COBLL1: variants seen among roughly 807,000 people sequenced by gnomAD.
The protein encoded by COBLL1 is cordon-bleu WH2 repeat protein like 1.
COBLL1 carries 50 observed loss-of-function variants against 94.8 expected under a neutral mutation model. The observed-to-expected ratio is 0.53, with a 90% CI of 0.42 to 0.67. The LOEUF (loss-of-function observed/expected upper bound fraction) is 0.67, where lower values mean the gene tolerates loss of function less well. Ranked by LOEUF, COBLL1 falls within the 30% of genes least tolerant of loss-of-function variation. COBLL1 has a pLI of 0.00. For missense variants in COBLL1, 1,362 were observed against 1,348.7 expected (o/e 1.01, Z -0.15); for synonymous variants, 448 against 473.8 (o/e 0.95, Z 0.71).
In COBLL1 at chr2:164,818,558, TAC is replaced by T. The variant is rs557068043; in HGVS notation, c.41+22596_41+22597del. ...ATATTTACATATATGTGTACATATG[TAC>T]ACATATATAGCATATATGTACATAT... On this transcript the variant is annotated intron_variant, in intron 2 of 13. Transcript: ENST00000652658. Among the ~76,000 whole-genome samples the T allele has an allele frequency of 4.5e-3, 666 of 148,644 alleles. 2 individuals carry two copies. Among genetic ancestry groups the T allele is most frequent in the Non-Finnish European group, 5.8e-3 (389 of 67,286 alleles).
intron 2 of COBLL1, among the ~76,000 whole-genome samples, chr2:164,759,778 C>T (rs1250570543): frequency 2.0e-5 from 3 of 152,120 alleles, no homozygotes; most frequent in African/African-American, 4.8e-5. Flanking sequence ...CGAGGGTACA[C>T]GAATGGCAAA....
intron 3 of COBLL1, among the ~76,000 whole-genome samples, chr2:164,733,375 G>T (rs1272881016): frequency 1.3e-5 from 2 of 152,010 alleles, no homozygotes; most frequent in Admixed American, 6.6e-5. Context: ...GAAAAAAGTT[G>T]CCGACTATAT....
At chr2:164,787,233 C>T (rs1682896508) in intron 2 of COBLL1, among the ~76,000 whole-genome samples, 1 of 152,164 alleles carries the variant, frequency 6.6e-6, no homozygotes. Flanking sequence ...ACTGGCCTTT[C>T]CAAACTTGCA....
chr2:164,733,482 C>G (rs189863785), intron 3 of COBLL1, among the ~76,000 whole-genome samples: 2 of 152,102 alleles, frequency 1.3e-5, no homozygotes, highest in East Asian at 1.9e-4. Flanking sequence ...TGAGTTTATT[C>G]TCTCATTTTA....
In COBLL1 at chr2:164,705,022, T is replaced by C; in HGVS notation, c.1080A>G (p.Thr360=). 1.2e-6 allele frequency: 2 copies of C among 1,605,104 alleles called. No individual in the cohort carries two copies. The highest frequency in any genetic ancestry group is 8.5e-7 in the Non-Finnish European group (1 of 1,175,936). The change falls in exon 8 of 14, where the codon ACA becomes ACG. Residue 360 remains threonine, a synonymous_variant. Transcript: ENST00000652658. ...MSAGNSSLRR[T]KRKAPSPPSK... The stretch of plus-strand genomic sequence containing the variant: ...AGGGTGGGGAAGGTGCTTTTCGCTT[T>C]GTCCTTCTCAAAGATGAATTCCCTG...
chr2:164,721,654 G>C (rs370285748), intron 7 of COBLL1, among the ~76,000 whole-genome samples: 8 of 152,146 alleles, frequency 5.3e-5, no homozygotes, highest in Admixed American at 5.2e-4. Context: ...AAGAAAATAC[G>C]TGTGGTTAGA....
intron 2 of COBLL1, among the ~76,000 whole-genome samples, chr2:164,785,952 T>C (rs185140823): frequency 5.3e-4 from 80 of 151,490 alleles, no homozygotes; most frequent in Admixed American, 2.8e-3. Flanking sequence ...CAAGCAGGTA[T>C]AAAACAGGCA....
At chr2:164,765,311 C>T (rs190437538) in intron 2 of COBLL1, among the ~76,000 whole-genome samples, 5 of 152,208 alleles carry the variant, frequency 3.3e-5, no homozygotes, top group Non-Finnish European at 5.9e-5. Flanking sequence ...AACACAACCA[C>T]AAGAATGTAG....
At chr2:164,778,957 T>A (rs557142841) in intron 2 of COBLL1, among the ~76,000 whole-genome samples, 1 of 152,236 alleles carries the variant, frequency 6.6e-6, no homozygotes, top group Non-Finnish European at 1.5e-5. Context: ...CAGTAAATGA[T>A]GAGACCAACC....
intron 5 of COBLL1, chr2:164,723,769 TTTTTC>T (rs1234800517): frequency 1.3e-5 from 2 of 152,242 alleles, no homozygotes; most frequent in East Asian, 1.9e-4. Flanking sequence ...TTATTATACC[TTTTTC>T]TTTTCTTATT....
At chr2:164,710,566 C>CTTTTT (rs11307875) in intron 7 of COBLL1, among the ~76,000 whole-genome samples, 1 of 142,272 alleles carries the variant, frequency 7.0e-6, no homozygotes, top group Non-Finnish European at 1.5e-5. Flanking sequence ...CAGCAGCATT[C>CTTTTT]TTTTTTTTTT....
intron 13 of COBLL1, among the ~76,000 whole-genome samples, chr2:164,686,784 C>T (rs1029190064): frequency 1.1e-4 from 16 of 152,104 alleles, no homozygotes; most frequent in African/African-American, 3.9e-4. Context: ...TTTGAAACAT[C>T]ATACTTGCAA....
chr2:164,735,766 T>C (rs1686271856), intron 3 of COBLL1, among the ~76,000 whole-genome samples: 2 of 151,870 alleles, frequency 1.3e-5, no homozygotes, highest in African/African-American at 2.4e-5. Context: ...CCCTAGTTGA[T>C]GCACCTGAAG....
At chr2:164,800,354 G>A (rs540097150) in intron 2 of COBLL1, among the ~76,000 whole-genome samples, 9 of 152,092 alleles carry the variant, frequency 5.9e-5, no homozygotes, top group Non-Finnish European at 1.3e-4. Context: ...TGAAAATGTA[G>A]ATTAAGAACA....
At chr2:164,725,568 G>A (rs961802350) in intron 5 of COBLL1, among the ~76,000 whole-genome samples, 1 of 152,042 alleles carries the variant, frequency 6.6e-6, no homozygotes, top group African/African-American at 2.4e-5. Flanking sequence ...ACAGGCATGT[G>A]CCACCACACC....
intron 3 of COBLL1, among the ~76,000 whole-genome samples, chr2:164,730,579 A>T (rs1208753139): frequency 6.6e-6 from 1 of 152,198 alleles, no homozygotes; most frequent in Non-Finnish European, 1.5e-5. Flanking sequence ...ATATTTAAAC[A>T]GACAAAATTG....
chr2:164,747,132 G>C (rs1271435566), intron 2 of COBLL1, among the ~76,000 whole-genome samples: 1 of 152,036 alleles, frequency 6.6e-6, no homozygotes, highest in Non-Finnish European at 1.5e-5. Context: ...GGAAGGAAAA[G>C]AGTCCTTACC....
chr2:164,705,592 T>C (rs1321710628), intron 7 of COBLL1, among the ~76,000 whole-genome samples: 1 of 152,122 alleles, frequency 6.6e-6, no homozygotes, highest in African/African-American at 2.4e-5. Flanking sequence ...CTGCTCACAC[T>C]CCTAGCCCGT....
At chr2:164,670,798 C>A (rs557073327) in intron 1 of COBLL1, among the ~76,000 whole-genome samples, 1 of 152,276 alleles carries the variant, frequency 6.6e-6, no homozygotes, top group East Asian at 1.9e-4. Context: ...AGGCTAGTGA[C>A]ATGCTCAGAA....
Sources: allele counts gnomAD v4.1 joint callset (sites outside exome capture counted in the v4.1 genomes callset), GRCh38; gene constraint gnomAD v4.1.1; transcripts MANE v1.5; gene names NCBI Gene and HGNC (gene_info 2026-07-23, HGNC 2026-07-21).